SYN3: variants seen among roughly 807,000 people sequenced by gnomAD.
The protein encoded by SYN3 is synapsin-3.
SYN3 carries 35 observed loss-of-function variants against 65.8 expected under a neutral mutation model. The ratio of observed to expected loss-of-function variants is 0.53; its 90% CI spans 0.41 to 0.70. The LOEUF is 0.70. Ranked by LOEUF, SYN3 falls within the 30% of genes least tolerant of loss-of-function variation. The pLI, the probability that SYN3 is intolerant of heterozygous loss-of-function variation, is 0.00. For synonymous variants in SYN3, 270 were observed against 292.9 expected (o/e 0.92, Z 0.80); for missense variants, 680 against 749.0 (o/e 0.91, Z 1.08).
At chr22:32,886,601 G>A (rs1395071077) in intron 4 of SYN3, among the ~76,000 whole-genome samples, 1 of 152,212 alleles carries the variant, frequency 6.6e-6, no homozygotes, top group African/African-American at 2.4e-5. Flanking sequence ...TTCGACATAT[G>A]TAACACTAAT....
At chr22:32,698,206 C>T (rs1470819044) in intron 6 of SYN3, among the ~76,000 whole-genome samples, 1 of 152,196 alleles carries the variant, frequency 6.6e-6, no homozygotes, top group Non-Finnish European at 1.5e-5. Context: ...CACCTCTTCA[C>T]ATTCCTCAGA....
At chr22:32,583,087 G>T (rs1325922728) in intron 7 of SYN3, among the ~76,000 whole-genome samples, 1 of 152,180 alleles carries the variant, frequency 6.6e-6, no homozygotes, top group Non-Finnish European at 1.5e-5. Context: ...AGAGATCAGG[G>T]TCTGCCGCTA....
chr22:32,827,960 TC>T (rs2047460874), intron 6 of SYN3, among the ~76,000 whole-genome samples: 1 of 152,118 alleles, frequency 6.6e-6, no homozygotes, highest in Non-Finnish European at 1.5e-5. Flanking sequence ...TTGCCTCCCT[TC>T]CCCTCCTACC....
chr22:32,661,309 C>A (rs2060213007), intron 6 of SYN3, among the ~76,000 whole-genome samples: 1 of 152,234 alleles, frequency 6.6e-6, no homozygotes, highest in East Asian at 1.9e-4. Flanking sequence ...GCAGTCAGAA[C>A]CACTCCAAAG....
At chr22:32,800,503 G>T (rs771091496) in intron 6 of SYN3, among the ~76,000 whole-genome samples, 16 of 152,194 alleles carry the variant, frequency 1.1e-4, no homozygotes, top group Non-Finnish European at 2.2e-4. Flanking sequence ...AAAGATTATT[G>T]TGAGAGCTAT....
intron 6 of SYN3, among the ~76,000 whole-genome samples, chr22:32,645,509 A>T (rs973735301): frequency 6.6e-6 from 1 of 151,938 alleles, no homozygotes; most frequent in African/African-American, 2.4e-5. Context: ...TTGCATCTTA[A>T]ACTTGTCTGC....
chr22:32,975,302 G>A (rs1388289356), intron 3 of SYN3, among the ~76,000 whole-genome samples: 1 of 151,510 alleles, frequency 6.6e-6, no homozygotes, highest in African/African-American at 2.4e-5. Flanking sequence ...TTGAACCCAG[G>A]AGGCAGAGGT....
At chr22:32,593,912 G>C (rs2059161345) in intron 7 of SYN3, among the ~76,000 whole-genome samples, 1 of 152,158 alleles carries the variant, frequency 6.6e-6, no homozygotes, top group South Asian at 2.1e-4. Context: ...AAGAGACAGA[G>C]AGGAGGAAAG....
chr22:32,575,833 T>C (rs2058842743), intron 7 of SYN3, among the ~76,000 whole-genome samples: 2 of 151,952 alleles, frequency 1.3e-5, no homozygotes, highest in African/African-American at 4.8e-5. Context: ...AGAGGAGCTA[T>C]ATTAAAAAAT....
chr22:32,594,949 C>G (rs747500249), intron 7 of SYN3, among the ~76,000 whole-genome samples: 6 of 152,226 alleles, frequency 3.9e-5, no homozygotes, highest in Non-Finnish European at 8.8e-5. Flanking sequence ...TTAACTCCAG[C>G]TGTACTTTAT....
At chr22:32,691,196 C>G (rs1394135877) in intron 6 of SYN3, among the ~76,000 whole-genome samples, 14 of 152,286 alleles carry the variant, frequency 9.2e-5, no homozygotes, top group Admixed American at 9.2e-4. Flanking sequence ...GTTCCTTCAC[C>G]CATACCCTGG....
chr22:32,544,368 T>G (rs1050886924), intron 7 of SYN3, among the ~76,000 whole-genome samples: 2 of 152,328 alleles, frequency 1.3e-5, no homozygotes, highest in Middle Eastern at 3.4e-3. Flanking sequence ...CTCAACATGT[T>G]CCTGCTTTTC....
Position 33,035,122 on chromosome 22 carries a change from G to T in SYN3, c.-163+23170C>A, listed in dbSNP as rs550731553. ...AGGAAAGGAGTGGGGTGGGCATATT[G>T]TCACTAAAGGAAGCTGGGCGGTCAC... On this transcript the variant is annotated intron_variant, in intron 1 of 13. Coordinates refer to ENST00000358763, the MANE Select transcript of SYN3 (RefSeq NM_003490.4). 2.4e-3 allele frequency among the ~76,000 whole-genome samples: 364 copies of T among 152,190 alleles called. 1 individual carries two copies. Among genetic ancestry groups the T allele is most frequent in the African/African-American group, 8.3e-3 (346 of 41,522 alleles).
intron 6 of SYN3, among the ~76,000 whole-genome samples, chr22:32,617,242 C>T (rs936057383): frequency 1.3e-5 from 2 of 152,120 alleles, no homozygotes; most frequent in African/African-American, 4.8e-5. Flanking sequence ...AAAAGAAGGA[C>T]CCTCCTCATC....
In SYN3 at chr22:32,518,279, T is replaced by G. The variant is rs559918645; in HGVS notation, c.1374A>C (p.Gln458His). The change falls in exon 13 of 14, where the codon CAA (glutamine) becomes CAC (histidine). Residue 458 changes from glutamine (Q) to histidine (H), a missense_variant. By Grantham distance (24) the Gln-to-His change is conservative (BLOSUM62 0). Transcript: ENST00000358763. Reference sequence around the variant, plus strand: ...GCTGGCCTTGTGGGGAGAGCCTCTGTTGGGAGGGGCTTCCAGATCTCTGGG... The same window carrying G: ...GCTGGCCTTGTGGGGAGAGCCTCTGGTGGGAGGGGCTTCCAGATCTCTGGG... ...PQPQRSGSPS[Q>H]QRLSPQGQQP... 2.0e-5 allele frequency: 33 copies of G among 1,611,372 alleles called. No homozygotes were observed. In the Middle Eastern group the frequency reaches 4.9e-4, roughly 24 times the overall value.
chr22:32,980,331 G>A (rs1162573768), intron 3 of SYN3, among the ~76,000 whole-genome samples: 6 of 152,242 alleles, frequency 3.9e-5, no homozygotes, highest in South Asian at 4.1e-4. Flanking sequence ...CAAAAGGAAC[G>A]GTATAGAACA....
chr22:33,039,463 C>A (rs969959194), intron 1 of SYN3, among the ~76,000 whole-genome samples: 1 of 151,420 alleles, frequency 6.6e-6, no homozygotes, highest in Admixed American at 6.6e-5. Context: ...GCAACCTCCG[C>A]CTCCTGGGTT....
chr22:32,863,626 T>A (rs369054531), intron 6 of SYN3, among the ~76,000 whole-genome samples: 1 of 152,164 alleles, frequency 6.6e-6, no homozygotes, highest in Non-Finnish European at 1.5e-5. Context: ...CATCCCACCA[T>A]TGACAACGTT....
intron 6 of SYN3, among the ~76,000 whole-genome samples, chr22:32,701,299 C>T (rs117475535): frequency 0.012 from 1,790 of 152,292 alleles, 18 homozygotes; most frequent in Non-Finnish European, 0.013. Flanking sequence ...TACTTAACTG[C>T]TCATCAGAAC....
Sources: allele counts gnomAD v4.1 joint callset (sites outside exome capture counted in the v4.1 genomes callset), GRCh38; gene constraint gnomAD v4.1.1; transcripts MANE v1.5; gene names NCBI Gene and HGNC (gene_info 2026-07-23, HGNC 2026-07-21).